The following BMPER variants were observed in gnomAD, a reference collection of about 807,000 sequenced individuals.
BMPER encodes BMP binding endothelial regulator.
A neutral mutation model predicts 87.3 loss-of-function variants in BMPER; 45 were observed. The observed-to-expected ratio is 0.52, with a 90% CI of 0.41 to 0.66. The LOEUF is 0.66. Ranked by LOEUF, BMPER falls within the 30% of genes least tolerant of loss-of-function variation. BMPER has a pLI of 0.00. For missense variants in BMPER, 784 were observed against 867.5 expected, an observed-to-expected ratio of 0.90 and a Z score of 1.21; for synonymous variants, 326 against 316.2, an observed-to-expected ratio of 1.03 and a Z score of -0.33.
At chr7:33,978,345 G>T (rs1356903542) in intron 6 of BMPER, among the ~76,000 whole-genome samples, 1 of 152,206 alleles carries the variant, frequency 6.6e-6, no homozygotes, top group Non-Finnish European at 1.5e-5. Context: ...ATAAATTCCT[G>T]TTCTTTGTAA....
chr7:34,023,198 A>C (rs1259153831), intron 6 of BMPER, among the ~76,000 whole-genome samples: 1 of 152,066 alleles, frequency 6.6e-6, no homozygotes, highest in Non-Finnish European at 1.5e-5. Flanking sequence ...GACCCTGCTC[A>C]TAGCAGGATC....
chr7:34,121,330 T>G (rs1349566627), intron 13 of BMPER, among the ~76,000 whole-genome samples: 2 of 152,230 alleles, frequency 1.3e-5, no homozygotes, highest in Non-Finnish European at 2.9e-5. Flanking sequence ...GAACAAAAGC[T>G]TAAGTTACTT....
intron 6 of BMPER, among the ~76,000 whole-genome samples, chr7:34,028,375 T>C (rs1787415326): frequency 6.6e-6 from 1 of 151,966 alleles, no homozygotes; most frequent in Non-Finnish European, 1.5e-5. Context: ...AAGGAACACT[T>C]AAAAATTTCT....
intron 13 of BMPER, among the ~76,000 whole-genome samples, chr7:34,094,127 G>T (rs1023682068): frequency 2.0e-5 from 3 of 152,156 alleles, no homozygotes; most frequent in Admixed American, 2.0e-4. Context: ...CAAATATCCT[G>T]TTCTGCCATG....
intron 7 of BMPER, among the ~76,000 whole-genome samples, chr7:34,051,218 C>A (rs1788139896): frequency 6.6e-6 from 1 of 152,058 alleles, no homozygotes; most frequent in African/African-American, 2.4e-5. Flanking sequence ...TTCAAAAGCC[C>A]CACCTCCTAA....
intron 13 of BMPER, among the ~76,000 whole-genome samples, chr7:34,131,221 TG>T (rs1243498740): frequency 6.6e-6 from 1 of 152,006 alleles, no homozygotes; most frequent in Admixed American, 6.5e-5. Context: ...GCCCCACTGA[TG>T]GGTGGGGGTG....
rs914408073 is a variant in BMPER, at chr7:34,128,869, G to T, written c.1746-14361G>T. The stretch of plus-strand genomic sequence containing the variant: ...TATCACAGACATGATGCAGATGTAC[G>T]ACCATCTGGCAGGAGTATTATAAAA... On this transcript the variant is annotated intron_variant, in intron 13 of 14. Transcript: ENST00000649409. Among the ~76,000 whole-genome samples, 3 of 152,116 alleles carry T rather than the reference G, an allele frequency of 2.0e-5. No individual in the cohort carries two copies. The East Asian group carries it at 5.8e-4, about 29-fold the overall frequency.
chr7:34,149,807 C>T (rs1791125591), intron 14 of BMPER, among the ~76,000 whole-genome samples: 1 of 144,028 alleles, frequency 6.9e-6, no homozygotes, highest in Non-Finnish European at 1.5e-5. Context: ...GAGGGAACTG[C>T]TTCAGTCAAG....
At chr7:34,150,810 A>G (rs1446963868) in intron 14 of BMPER, among the ~76,000 whole-genome samples, 3 of 152,188 alleles carry the variant, frequency 2.0e-5, no homozygotes, top group Non-Finnish European at 4.4e-5. Flanking sequence ...AAGAAACAGA[A>G]CAGTGTTCCC....
At chr7:34,019,093 G>T (rs945792305) in intron 6 of BMPER, among the ~76,000 whole-genome samples, 1 of 151,978 alleles carries the variant, frequency 6.6e-6, no homozygotes, top group Non-Finnish European at 1.5e-5. Flanking sequence ...TTACTCCCTG[G>T]AAGATGATGA....
At chr7:33,994,584 C>T (rs541987403) in intron 6 of BMPER, among the ~76,000 whole-genome samples, 10 of 152,286 alleles carry the variant, frequency 6.6e-5, no homozygotes, top group Admixed American at 2.0e-4. Flanking sequence ...CCGTCTTCTG[C>T]GTCACTCACG....
chr7:34,025,501 A>T (rs919709749), intron 6 of BMPER, among the ~76,000 whole-genome samples: 1 of 152,042 alleles, frequency 6.6e-6, no homozygotes, highest in African/African-American at 2.4e-5. Flanking sequence ...ACATCCAGCA[A>T]GGCAAGTGTC....
intron 2 of BMPER, among the ~76,000 whole-genome samples, chr7:33,907,243 C>T (rs1286265548): frequency 6.6e-6 from 1 of 151,678 alleles, no homozygotes; most frequent in Non-Finnish European, 1.5e-5. Flanking sequence ...AAACTTTCTG[C>T]GTTGGTTCTG....
intron 14 of BMPER, among the ~76,000 whole-genome samples, chr7:34,148,974 A>T: frequency 6.6e-6 from 1 of 152,220 alleles, no homozygotes. Context: ...GATTGGCCAG[A>T]TAAAATCCAC....
chr7:33,960,172 T>G (rs866381647), intron 3 of BMPER, among the ~76,000 whole-genome samples: 2 of 152,240 alleles, frequency 1.3e-5, no homozygotes, highest in Admixed American at 6.5e-5. Context: ...TGATTCTTTC[T>G]CTTGGGACTG....
rs1002204645 is a variant in BMPER at position 34,085,686 on chromosome 7, A to G, written c.1409-70A>G. On this transcript the variant is annotated intron_variant, in intron 12 of 14. Transcript: ENST00000649409. The stretch of plus-strand genomic sequence containing the variant: ...AGTCAGTCATATGTTCTGTGTAAGG[A>G]TGTATACATTTGGGAATTATTAGTG... 3.3e-5 allele frequency: 45 copies of G among 1,355,276 alleles called. No individual in the cohort carries two copies. The African/African-American group carries it at 5.0e-4, about 15-fold the overall frequency. The allele number at this position is 1,355,276 out of a possible 1,614,324, so 84.0% of individuals were successfully genotyped here. A position where few individuals can be genotyped will look rare whatever the true frequency, so the allele number is the denominator to read the frequency against.
chr7:34,120,761 C>T (rs1052088715), intron 13 of BMPER, among the ~76,000 whole-genome samples: 16 of 152,038 alleles, frequency 1.1e-4, no homozygotes, highest in African/African-American at 2.7e-4. Context: ...ATTAGGTAAA[C>T]GAGCTTTAAG....
In BMPER at chr7:33,974,612, G is replaced by C. The variant is rs916537825; in HGVS notation, c.494-90G>C. On this transcript the variant is annotated intron_variant, in intron 5 of 14. Coordinates refer to ENST00000649409, the MANE Select transcript of BMPER (RefSeq NM_001365308.1). ...AGAGGACACTCAGCTGTGTGGAGGT[G>C]GGCAACGGATGAACTGTGGATAGAA... 4 of 1,276,532 alleles carry C rather than the reference G, an allele frequency of 3.1e-6. No homozygotes were observed. The African/African-American group carries it at 5.9e-5, about 19-fold the overall frequency. 79.1% of individuals were successfully genotyped at this position (1,276,532 alleles called of 1,614,324 possible).
chr7:34,016,783 T>C (rs921685421), intron 6 of BMPER, among the ~76,000 whole-genome samples: 3 of 151,908 alleles, frequency 2.0e-5, no homozygotes, highest in Non-Finnish European at 2.9e-5. Flanking sequence ...GACAAACCCA[T>C]TTTTCCAACA....
Sources: gnomAD v4.1 joint callset for allele counts (sites outside exome capture counted in the v4.1 genomes callset) on GRCh38, gnomAD v4.1.1 for gene constraint, MANE v1.5 for transcripts, NCBI Gene and HGNC (gene_info 2026-07-23, HGNC 2026-07-21) for gene names.